The following FGF12 variants were observed in gnomAD, a reference collection of about 807,000 sequenced individuals.
The protein encoded by FGF12 is fibroblast growth factor 12.
FGF12 carries 14 observed loss-of-function variants against 23.6 expected under a neutral mutation model. The observed-to-expected ratio is 0.59, with a 90% confidence interval of 0.39 to 0.93. FGF12 has a LOEUF of 0.93. FGF12 is among the 40% of genes least tolerant of loss of function. FGF12 has a pLI of 0.00. For synonymous variants in FGF12, 62 were observed against 77.3 expected (o/e 0.80, Z 1.04); for missense variants, 175 against 217.8 (o/e 0.80, Z 1.24).
chr3:192,709,146 A>T (rs1490438532), intron 2 of FGF12, among the ~76,000 whole-genome samples: 1 of 152,202 alleles, frequency 6.6e-6, no homozygotes, highest in Non-Finnish European at 1.5e-5. Context: ...ATATTGCAAA[A>T]TGACACACCG....
intron 2 of FGF12, among the ~76,000 whole-genome samples, chr3:192,642,968 A>G (rs1012894686): frequency 5.3e-5 from 8 of 152,232 alleles, no homozygotes; most frequent in Admixed American, 5.2e-4. Context: ...TCTGACTTAC[A>G]GTAAGATCAC....
chr3:192,460,658 A>G (rs527931222), intron 2 of FGF12, among the ~76,000 whole-genome samples: 29 of 145,060 alleles, frequency 2.0e-4, no homozygotes, highest in African/African-American at 7.3e-4. Context: ...AAATATATAC[A>G]TATACACACA....
intron 4 of FGF12, among the ~76,000 whole-genome samples, chr3:192,224,151 C>T (rs1718611177): frequency 1.3e-5 from 2 of 152,106 alleles, no homozygotes; most frequent in African/African-American, 4.8e-5. Flanking sequence ...TACTACTAGA[C>T]AAACTGATAC....
At chr3:192,627,459 A>G (rs1715213627) in intron 2 of FGF12, among the ~76,000 whole-genome samples, 1 of 152,080 alleles carries the variant, frequency 6.6e-6, no homozygotes, top group Non-Finnish European at 1.5e-5. Context: ...GGACAATTTC[A>G]CAGGTGTGAA....
At chr3:192,483,424 G>A (rs932814393) in intron 2 of FGF12, among the ~76,000 whole-genome samples, 4 of 151,870 alleles carry the variant, frequency 2.6e-5, no homozygotes, top group South Asian at 2.1e-4. Context: ...ACAGCCACAC[G>A]TAAAAAAAAT....
At chr3:192,547,515 T>C (rs555102281) in intron 2 of FGF12, among the ~76,000 whole-genome samples, 3 of 152,306 alleles carry the variant, frequency 2.0e-5, no homozygotes, top group Admixed American at 2.0e-4. Flanking sequence ...TAAATGATTA[T>C]TATAATTTAT....
chr3:192,351,120 T>C (rs982317871), intron 3 of FGF12, among the ~76,000 whole-genome samples: 18 of 152,336 alleles, frequency 1.2e-4, no homozygotes, highest in African/African-American at 4.1e-4. Flanking sequence ...TTTTGTAATG[T>C]GTTTAAAATA....
chr3:192,539,538 T>C (rs539025874), intron 2 of FGF12, among the ~76,000 whole-genome samples: 9 of 152,288 alleles, frequency 5.9e-5, no homozygotes, highest in African/African-American at 2.2e-4. Flanking sequence ...TTGAATCCAA[T>C]TCAGTTTGCT....
At chr3:192,252,218 T>C (rs181868140) in intron 4 of FGF12, among the ~76,000 whole-genome samples, 2 of 151,728 alleles carry the variant, frequency 1.3e-5, no homozygotes, top group African/African-American at 4.8e-5. Context: ...CACAGCACTT[T>C]GGGAGGCCAA....
chr3:192,724,050 A>G (rs1719129902), intron 2 of FGF12, among the ~76,000 whole-genome samples: 1 of 142,160 alleles, frequency 7.0e-6, no homozygotes, highest in Admixed American at 7.0e-5. Context: ...AGGAAGGGAA[A>G]GGGAGGGAAG....
chr3:192,600,924 C>T (rs553380650), intron 2 of FGF12, among the ~76,000 whole-genome samples: 11 of 152,108 alleles, frequency 7.2e-5, no homozygotes, highest in Non-Finnish European at 8.8e-5. Context: ...AACTACTGTA[C>T]GACCCAGTAA....
chr3:192,568,192 T>G (rs1211786813), intron 2 of FGF12, among the ~76,000 whole-genome samples: 1 of 152,176 alleles, frequency 6.6e-6, no homozygotes, highest in Non-Finnish European at 1.5e-5. Flanking sequence ...CTAGATAATT[T>G]GGATTGATTT....
intron 4 of FGF12, among the ~76,000 whole-genome samples, chr3:192,214,988 C>A (rs952818579): frequency 3.9e-5 from 6 of 152,168 alleles, no homozygotes; most frequent in African/African-American, 1.4e-4. Flanking sequence ...TCAGCTCCCC[C>A]CAGATCTGCT....
chr3:192,270,617 G>C (rs190719429), intron 4 of FGF12, among the ~76,000 whole-genome samples: 1 of 152,080 alleles, frequency 6.6e-6, no homozygotes, highest in Non-Finnish European at 1.5e-5. Context: ...TATCTTATAC[G>C]TTATGTATCC....
At chr3:192,154,688 C>A (rs1364583325) in intron 5 of FGF12, among the ~76,000 whole-genome samples, 2 of 141,196 alleles carry the variant, frequency 1.4e-5, no homozygotes, top group Non-Finnish European at 3.1e-5. Flanking sequence ...TCTCCAGCTG[C>A]GTGCTGGGAG....
chr3:192,275,127 A>C (rs1472560790), intron 4 of FGF12, among the ~76,000 whole-genome samples: 5 of 152,268 alleles, frequency 3.3e-5, no homozygotes, highest in South Asian at 4.1e-4. Flanking sequence ...TAGATAAATA[A>C]AATTTATAGG....
intron 2 of FGF12, among the ~76,000 whole-genome samples, chr3:192,575,565 C>T (rs1461048988): frequency 3.3e-5 from 5 of 152,162 alleles, no homozygotes; most frequent in Admixed American, 3.3e-4. Context: ...CTGTTCTCTG[C>T]CTCCCACTAG....
chr3:192,147,949 A>G (rs1713815874), intron 5 of FGF12, among the ~76,000 whole-genome samples: 1 of 152,172 alleles, frequency 6.6e-6, no homozygotes, highest in African/African-American at 2.4e-5. Flanking sequence ...AAACAAAATC[A>G]AAAAAGAAAG....
At chr3:192,309,367 G>T (rs1715818437) in intron 4 of FGF12, among the ~76,000 whole-genome samples, 1 of 152,186 alleles carries the variant, frequency 6.6e-6, no homozygotes. Flanking sequence ...CACATTTGAA[G>T]AAACTGTGGC....
Sources: gnomAD v4.1 joint callset for allele counts (sites outside exome capture counted in the v4.1 genomes callset) on GRCh38, gnomAD v4.1.1 for gene constraint, MANE v1.5 for transcripts, NCBI Gene and HGNC (gene_info 2026-07-23, HGNC 2026-07-21) for gene names.